LSM6: variants seen among roughly 807,000 people sequenced by gnomAD.
LSM6 encodes the protein LSM6 homolog, U6 small nuclear RNA and mRNA degradation associated.
A neutral mutation model predicts 13.5 loss-of-function variants in LSM6; 2 were observed. The ratio of observed to expected loss-of-function variants is 0.15; its 90% CI spans 0.06 to 0.47. The LOEUF is 0.47. LSM6 is among the 20% of genes least tolerant of loss of function. The pLI is 0.97. For synonymous variants in LSM6, 43 were observed against 34.9 expected (o/e 1.23, Z -0.82); for missense variants, 58 against 96.4 (o/e 0.60, Z 1.67).
intron 2 of LSM6, among the ~76,000 whole-genome samples, chr4:146,184,540 T>TA (rs971662402): frequency 1.2e-4 from 18 of 152,324 alleles, no homozygotes; most frequent in African/African-American, 4.3e-4. Context: ...TCATACGGAA[T>TA]ACTGAGGTAG....
intron 1 of LSM6, among the ~76,000 whole-genome samples, chr4:146,179,778 A>G (rs1730191323): frequency 6.6e-6 from 1 of 152,212 alleles, no homozygotes; most frequent in Non-Finnish European, 1.5e-5. Flanking sequence ...CTGCTATGGA[A>G]AGTAGAGAGT....
chr4:146,176,753 T>G (rs1165085349), intron 1 of LSM6: 1 of 152,118 alleles, frequency 6.6e-6, no homozygotes, highest in Non-Finnish European at 1.5e-5. Flanking sequence ...TTCAGTCATT[T>G]CCCGATTGTG....
In LSM6 at chr4:146,188,066, T is replaced by C. The variant is rs150573642; in HGVS notation, c.208+679T>C. On this transcript the variant is annotated intron_variant, in intron 3 of 3. Transcript: ENST00000296581. ...AGTTCAGATTTTTTGTTGATTTCTT[T>C]AATTCTGGATGTCTTCAACCCCCTA... Among the ~76,000 whole-genome samples, 1,164 of 152,324 alleles carry C rather than the reference T, an allele frequency of 7.6e-3. 8 individuals are homozygous for C. Among genetic ancestry groups the C allele is most frequent in the Non-Finnish European group, 9.3e-3 (633 of 68,020 alleles).
intron 2 of LSM6, 192 bp downstream of exon 2, chr4:146,183,207 C>G (rs1730270266): frequency 6.5e-6 from 3 of 463,882 alleles, no homozygotes; most frequent in Non-Finnish European, 1.2e-5. Flanking sequence ...ATAGCATGTG[C>G]TTCTGCCTTT....
intron 2 of LSM6, among the ~76,000 whole-genome samples, chr4:146,185,202 G>A (rs1017092200): frequency 5.9e-5 from 9 of 152,116 alleles, no homozygotes; most frequent in African/African-American, 2.2e-4. Context: ...GTATTCCATG[G>A]CCCTGCATCA....
At position 146,190,894 on chromosome 4, in the gene LSM6, T is replaced by C. The variant is rs1244964169; in HGVS notation, c.*1238T>C. ...TCGAAACAACTGCTTGGTTGAAGGA[T>C]GGGGGGCAGGATCGAGAAGGAGAGA... On this transcript the variant is annotated 3_prime_UTR_variant, in exon 4 of 4. Coordinates refer to ENST00000296581, the MANE Select transcript of LSM6 (RefSeq NM_007080.3). The C allele has an allele frequency of 1.3e-5, 2 of 152,068 alleles. No homozygotes were observed. The highest frequency in any genetic ancestry group is 2.9e-5 in the Non-Finnish European group (2 of 68,028). The allele number at this position is 152,068 out of a possible 1,614,324, so 9.4% of individuals were successfully genotyped here.
chr4:146,187,149 G>T (rs932287584), intron 2 of LSM6, 125 bp from the exon 3 acceptor site: 1 of 592,526 alleles, frequency 1.7e-6, no homozygotes, highest in African/African-American at 1.9e-5. Flanking sequence ...CATTTATGGT[G>T]TGAATTTTTA....
At chr4:146,178,857 A>G (rs1730170159) in intron 1 of LSM6, among the ~76,000 whole-genome samples, 1 of 152,194 alleles carries the variant, frequency 6.6e-6, no homozygotes, top group Non-Finnish European at 1.5e-5. Flanking sequence ...GAATCTTAAC[A>G]TATTCAGAAG....
At position 146,190,676 on chromosome 4, in the gene LSM6, A is replaced by G. The variant is rs1302342451; in HGVS notation, c.*1020A>G. 3 of 152,240 alleles carry G rather than the reference A, an allele frequency of 2.0e-5. No individual in the cohort carries two copies. The highest frequency in any genetic ancestry group is 7.2e-5 in the African/African-American group (3 of 41,462). The allele number at this position is 152,240 out of a possible 1,614,324, so 9.4% of individuals were successfully genotyped here. A position where few individuals can be genotyped will look rare whatever the true frequency, so the allele number is the denominator to read the frequency against. On this transcript the variant is annotated 3_prime_UTR_variant, in exon 4 of 4. Coordinates refer to ENST00000296581, the MANE Select transcript of LSM6 (RefSeq NM_007080.3). ...TGACTCCTGCTGAGAGGATTTTCAC[A>G]ATTTATTAATGAGCTTTCCACAACC...
Position 146,175,748 on chromosome 4 carries a change from G to A in LSM6, c.-74G>A, listed in dbSNP as rs1387269177. On this transcript the variant is annotated 5_prime_UTR_variant, in exon 1 of 4. Transcript: ENST00000296581. ...CCTCGGCGCTTTCGGTTTTGGCTGG[G>A]ATCATCCGCGGCGGCCGGGCTCGTG... The A allele has an allele frequency of 1.3e-5, 2 of 152,348 alleles. No individual in the cohort carries two copies. The highest frequency in any genetic ancestry group is 2.9e-5 in the Non-Finnish European group (2 of 68,144). The allele number at this position is 152,348 out of a possible 1,614,324, so 9.4% of individuals were successfully genotyped here. A position where few individuals can be genotyped will look rare whatever the true frequency, so the allele number is the denominator to read the frequency against.
In LSM6 at chr4:146,191,210, T is replaced by C. The variant is rs541125017; in HGVS notation, c.*1554T>C. ...TTCTTTTAAGGAGAAAATGGATGGC[T>C]CTCCAAGTGGAGCATACATGTTCTC... On this transcript the variant is annotated 3_prime_UTR_variant, in exon 4 of 4. Coordinates refer to ENST00000296581, the MANE Select transcript of LSM6 (RefSeq NM_007080.3). 1 of 152,310 alleles carries C rather than the reference T, an allele frequency of 6.6e-6. No homozygotes were observed. The highest frequency in any genetic ancestry group is 1.9e-4 in the East Asian group (1 of 5,186). 9.4% of individuals were successfully genotyped at this position (152,310 alleles called of 1,614,324 possible). A position where few individuals can be genotyped will look rare whatever the true frequency, so the allele number is the denominator to read the frequency against.
rs751820161 is a variant in LSM6 at position 146,187,255 on chromosome 4, T to G, written c.95-19T>G. Reference sequence around the variant, plus strand: ...TTATTTGCCTTGTGTATCTTCTTTTTGACTAAATATGTCTGCAGGGGTCCT... The same window carrying G: ...TTATTTGCCTTGTGTATCTTCTTTTGGACTAAATATGTCTGCAGGGGTCCT... On this transcript the variant is annotated intron_variant, in intron 2 of 3. Coordinates refer to ENST00000296581, the MANE Select transcript of LSM6 (RefSeq NM_007080.3). 3 of 1,448,912 alleles carry G rather than the reference T, an allele frequency of 2.1e-6. No individual in the cohort carries two copies. Among genetic ancestry groups the G allele is most frequent in the African/African-American group, 2.8e-5 (2 of 71,488 alleles). The allele number at this position is 1,448,912 out of a possible 1,614,324, so 89.8% of individuals were successfully genotyped here.
chr4:146,178,302 C>T lies in LSM6; in HGVS notation c.-11+2491C>T, dbSNP rs532765168. On this transcript the variant is annotated intron_variant, in intron 1 of 3. Coordinates refer to ENST00000296581, the MANE Select transcript of LSM6 (RefSeq NM_007080.3). The stretch of plus-strand genomic sequence containing the variant: ...GACCAGTCAGCAAATGGAAAAATTA[C>T]GAAACAGCCTGATAAGGGCCATGAC... 4.6e-5 allele frequency among the ~76,000 whole-genome samples: 7 copies of T among 152,258 alleles called. No individual in the cohort carries two copies. In the East Asian group the frequency reaches 9.7e-4, roughly 21 times the overall value.
At chr4:146,177,797 C>T (rs1312261583) in intron 1 of LSM6, among the ~76,000 whole-genome samples, 2 of 152,098 alleles carry the variant, frequency 1.3e-5, no homozygotes, top group East Asian at 3.9e-4. Context: ...GCAGTAGCAC[C>T]ACCTTCCTCA....
At chr4:146,177,127 A>G (rs920237443) in intron 1 of LSM6, among the ~76,000 whole-genome samples, 2 of 152,072 alleles carry the variant, frequency 1.3e-5, no homozygotes, top group African/African-American at 4.8e-5. Context: ...TAACTCCCTT[A>G]TATTGCAGAT....
chr4:146,186,972 C>A (rs1247034134), intron 2 of LSM6, among the ~76,000 whole-genome samples: 1 of 152,172 alleles, frequency 6.6e-6, no homozygotes, highest in East Asian at 1.9e-4. Context: ...CCGGAATAGT[C>A]TTATTCTCTT....
chr4:146,188,022 A>G (rs1730385807), intron 3 of LSM6, among the ~76,000 whole-genome samples: 1 of 152,170 alleles, frequency 6.6e-6, no homozygotes, highest in Admixed American at 6.5e-5. Context: ...TCCATCTCCC[A>G]GAAACTCTGG....
chr4:146,189,275 GAGCCACCGTGTTC>G, intron 3 of LSM6, among the ~76,000 whole-genome samples: 1 of 152,272 alleles, frequency 6.6e-6, no homozygotes, highest in Non-Finnish European at 1.5e-5. Context: ...TTGCAGGCGT[GAGCCACCGTGTTC>G]AGCCCTGAAA....
At chr4:146,183,381 T>C (rs1354296761) in intron 2 of LSM6, 8 of 207,784 alleles carry the variant, frequency 3.9e-5, no homozygotes, top group Non-Finnish European at 6.0e-5. Flanking sequence ...TATTCAAGAT[T>C]GGCAAGCAGC....
Sources: allele counts gnomAD v4.1 joint callset (sites outside exome capture counted in the v4.1 genomes callset), GRCh38; gene constraint gnomAD v4.1.1; transcripts MANE v1.5; gene names NCBI Gene and HGNC (gene_info 2026-07-23, HGNC 2026-07-21).